The following ZC3H12B variants were observed in gnomAD, a reference collection of about 807,000 sequenced individuals.
ZC3H12B encodes zinc finger CCCH-type containing 12B.
Under a neutral mutation model 43.9 loss-of-function variants are expected in ZC3H12B, and 7 were observed. The observed-to-expected ratio is 0.16, with a 90% CI of 0.09 to 0.30. ZC3H12B has a LOEUF of 0.30. Ranked by LOEUF, ZC3H12B falls within the 10% of genes least tolerant of loss-of-function variation. The pLI is 1.00. For synonymous variants in ZC3H12B, 222 were observed against 241.7 expected, an observed-to-expected ratio of 0.92 and a Z score of 0.76; for missense variants, 475 against 670.2, an observed-to-expected ratio of 0.71 and a Z score of 3.22.
chrX:65,450,816 TATATATATAC>T (rs2067488759), intron 3 of ZC3H12B, among the ~76,000 whole-genome samples: 11 of 70,213 alleles, frequency 1.6e-4, no homozygotes, highest in Admixed American at 3.3e-4. Context: ...TGTATATATG[TATATATATAC>T]ATATGTGTAT....
chrX:65,421,793 CA>C (rs1177365707), intron 3 of ZC3H12B, among the ~76,000 whole-genome samples: 8 of 110,772 alleles, frequency 7.2e-5, no homozygotes, highest in African/African-American at 2.6e-4. Context: ...ACTAAAAATA[CA>C]AAAAATTAGC....
At chrX:65,048,384 A>C in the ZC3H12B span, among the ~76,000 whole-genome samples, 1 of 111,428 alleles carries the variant, frequency 9.0e-6, no homozygotes, top group East Asian at 2.8e-4. Flanking sequence ...TAGGAGTGCA[A>C]ATATCTCTTC....
At chrX:65,138,405 C>A in the ZC3H12B span, among the ~76,000 whole-genome samples, 1 of 111,506 alleles carries the variant, frequency 9.0e-6, no homozygotes, top group African/African-American at 3.3e-5. Context: ...CCACAAATGA[C>A]AGGATTTTCT....
At chrX:65,407,445 G>A (rs2066844939) in intron 3 of ZC3H12B, among the ~76,000 whole-genome samples, 2 of 112,807 alleles carry the variant, frequency 1.8e-5, no homozygotes, top group South Asian at 7.2e-4. Context: ...CCGGCCAGGA[G>A]CCTCCGCCGC....
the ZC3H12B span, among the ~76,000 whole-genome samples, chrX:65,246,299 T>G: frequency 8.9e-6 from 1 of 112,102 alleles, no homozygotes; most frequent in South Asian, 3.7e-4. Context: ...TGCTCATAGA[T>G]AGGAATAATC....
At chrX:65,132,968 G>T in the ZC3H12B span, among the ~76,000 whole-genome samples, 1 of 111,528 alleles carries the variant, frequency 9.0e-6, no homozygotes, top group East Asian at 2.8e-4. Flanking sequence ...CAGGGGCTCT[G>T]GGAGTGGCTG....
chrX:65,266,663 A>C, the ZC3H12B span, among the ~76,000 whole-genome samples: 7 of 111,529 alleles, frequency 6.3e-5, no homozygotes. Context: ...GCAAAAGCTT[A>C]TGTTCCTGAT....
At chrX:65,226,687 A>C in the ZC3H12B span, among the ~76,000 whole-genome samples, 12 of 111,483 alleles carry the variant, frequency 1.1e-4, no homozygotes, top group Non-Finnish European at 5.6e-5. Context: ...ATGGAGAAAG[A>C]GCTACCAAGC....
chrX:65,290,395 T>C, the ZC3H12B span, among the ~76,000 whole-genome samples: 2 of 111,024 alleles, frequency 1.8e-5, no homozygotes, highest in South Asian at 7.6e-4. Flanking sequence ...GGAGGGAATG[T>C]AAACTGATAC....
the ZC3H12B span, among the ~76,000 whole-genome samples, chrX:65,056,807 G>A: frequency 8.9e-6 from 1 of 111,802 alleles, no homozygotes; most frequent in African/African-American, 3.3e-5. Context: ...AGGATAGTTA[G>A]CTCTTCTGGT....
chrX:65,441,038 C>T (rs1031158228), intron 3 of ZC3H12B, among the ~76,000 whole-genome samples: 1 of 112,196 alleles, frequency 8.9e-6, no homozygotes, highest in Non-Finnish European at 1.9e-5. Context: ...TTGCTTGAAG[C>T]AGTTCTTTCA....
At chrX:65,064,431 G>A in the ZC3H12B span, among the ~76,000 whole-genome samples, 21 of 112,170 alleles carry the variant, frequency 1.9e-4, no homozygotes, top group Non-Finnish European at 7.5e-5. Flanking sequence ...TTCAGAAGCA[G>A]GTTGTTCAGT....
At chrX:65,205,260 G>T in the ZC3H12B span, among the ~76,000 whole-genome samples, 1 of 111,177 alleles carries the variant, frequency 9.0e-6, no homozygotes, top group East Asian at 2.8e-4. Flanking sequence ...GCTGTCACTT[G>T]TCATTGTCAT....
At chrX:65,110,997 A>T in the ZC3H12B span, among the ~76,000 whole-genome samples, 1 of 111,229 alleles carries the variant, frequency 9.0e-6, no homozygotes, top group Non-Finnish European at 1.9e-5. Flanking sequence ...AATGTAAATT[A>T]TAAATGGTAT....
chrX:65,071,309 T>C, the ZC3H12B span, among the ~76,000 whole-genome samples: 2 of 106,933 alleles, frequency 1.9e-5, no homozygotes, highest in South Asian at 8.1e-4. Context: ...TTTTTTTTCT[T>C]AGTAGATTTT....
intron 3 of ZC3H12B, among the ~76,000 whole-genome samples, chrX:65,432,535 T>C (rs2067174571): frequency 8.9e-6 from 1 of 111,871 alleles, no homozygotes; most frequent in African/African-American, 3.2e-5. Flanking sequence ...GGCAACCTGA[T>C]GATATTGGAG....
At chrX:65,493,510 C>T (rs1363677669) in intron 1 of ZC3H12B, among the ~76,000 whole-genome samples, 1 of 112,465 alleles carries the variant, frequency 8.9e-6, no homozygotes, top group African/African-American at 3.2e-5. Context: ...AGGGTACATT[C>T]ATTCTGAGAG....
At chrX:65,121,386 C>A in the ZC3H12B span, among the ~76,000 whole-genome samples, 2 of 111,188 alleles carry the variant, frequency 1.8e-5, no homozygotes, top group East Asian at 2.9e-4. Context: ...TGGGAGGGTG[C>A]ATGTGTCAAG....
the ZC3H12B span, among the ~76,000 whole-genome samples, chrX:65,056,540 G>A: frequency 8.9e-6 from 1 of 111,899 alleles, no homozygotes; most frequent in Non-Finnish European, 1.9e-5. Context: ...TAAGTGCAGT[G>A]TGGTGCTGAG....
Sources: allele counts gnomAD v4.1 joint callset (sites outside exome capture counted in the v4.1 genomes callset), GRCh38; gene constraint gnomAD v4.1.1; transcripts MANE v1.5; gene names NCBI Gene and HGNC (gene_info 2026-07-23, HGNC 2026-07-21).